Variants in NALF1 observed in about 807,000 individuals in gnomAD.
The protein encoded by NALF1 is NALCN channel auxiliary factor 1.
In NALF1, 3 loss-of-function variants were observed where a neutral mutation model predicts 48.4. The ratio of observed to expected loss-of-function variants is 0.06; its 90% CI spans 0.03 to 0.16. NALF1 has a LOEUF of 0.16. Ranked by LOEUF, NALF1 falls within the 10% of genes least tolerant of loss-of-function variation. The probability of loss-of-function intolerance (pLI) is 1.00; values close to 1 mark genes in which losing one functional copy is unlikely to be tolerated. For missense variants in NALF1, 526 were observed against 571.5 expected (o/e 0.92, Z 0.81); for synonymous variants, 262 against 245.7 (o/e 1.07, Z -0.62).
chr13:107,859,069 G>C (rs767347383), intron 1 of NALF1, among the ~76,000 whole-genome samples: 4 of 152,086 alleles, frequency 2.6e-5, no homozygotes, highest in Non-Finnish European at 4.4e-5. Context: ...TCTGAACTTC[G>C]AGTTCCCCAC....
intron 1 of NALF1, among the ~76,000 whole-genome samples, chr13:107,669,698 G>C (rs1432245731): frequency 6.6e-6 from 1 of 152,120 alleles, no homozygotes; most frequent in African/African-American, 2.4e-5. Flanking sequence ...GTTTTCTGTT[G>C]ATGTTCATGT....
intron 2 of NALF1, among the ~76,000 whole-genome samples, chr13:107,197,187 C>T (rs1188149800): frequency 1.3e-5 from 2 of 152,154 alleles, no homozygotes; most frequent in African/African-American, 4.8e-5. Flanking sequence ...TGTCGCTAAA[C>T]CTTGGACCTC....
intron 1 of NALF1, among the ~76,000 whole-genome samples, chr13:107,349,975 T>C (rs1882843114): frequency 6.6e-6 from 1 of 152,134 alleles, no homozygotes. Context: ...CCTCAGATCA[T>C]CAGGCATTAG....
intron 1 of NALF1, among the ~76,000 whole-genome samples, chr13:107,601,585 C>T (rs958335423): frequency 2.6e-5 from 4 of 152,156 alleles, no homozygotes; most frequent in African/African-American, 9.7e-5. Context: ...TACCTCCTGA[C>T]TATAATTTCT....
chr13:107,206,164 A>T (rs1444359216), intron 2 of NALF1, among the ~76,000 whole-genome samples: 3 of 152,160 alleles, frequency 2.0e-5, no homozygotes, highest in Non-Finnish European at 4.4e-5. Flanking sequence ...TTTCCAATTA[A>T]TTTTTAAAAC....
chr13:107,319,023 CA>C (rs1475473524), intron 1 of NALF1, among the ~76,000 whole-genome samples: 1 of 152,010 alleles, frequency 6.6e-6, no homozygotes, highest in African/African-American at 2.4e-5. Flanking sequence ...GGTTAAGCAG[CA>C]GAGTTCAAGG....
intron 2 of NALF1, among the ~76,000 whole-genome samples, chr13:107,192,799 G>A (rs1482039219): frequency 6.6e-6 from 1 of 152,136 alleles, no homozygotes; most frequent in South Asian, 2.1e-4. Context: ...TACTTCTGGT[G>A]AGAATCCATG....
intron 1 of NALF1, among the ~76,000 whole-genome samples, chr13:107,510,748 T>C (rs7330610): frequency 0.73 from 111,072 of 151,946 alleles, 41,100 homozygotes; most frequent in Middle Eastern, 0.83. Context: ...GTGACCATGA[T>C]GGACCACGAG....
chr13:107,185,301 G>A (rs1879147329), intron 2 of NALF1, among the ~76,000 whole-genome samples: 1 of 152,010 alleles, frequency 6.6e-6, no homozygotes, highest in Non-Finnish European at 1.5e-5. Flanking sequence ...AATGGTGCTG[G>A]GAAACGAATA....
At chr13:107,239,053 C>G (rs1338629222) in intron 1 of NALF1, among the ~76,000 whole-genome samples, 1 of 151,834 alleles carries the variant, frequency 6.6e-6, no homozygotes, top group African/African-American at 2.4e-5. Context: ...AAGGAGAAGA[C>G]AGGTGGAATA....
chr13:107,391,304 A>G (rs1035246024), intron 1 of NALF1, among the ~76,000 whole-genome samples: 2 of 152,114 alleles, frequency 1.3e-5, no homozygotes, highest in Non-Finnish European at 2.9e-5. Flanking sequence ...CCTACAAACC[A>G]TAAATTCTCA....
intron 1 of NALF1, among the ~76,000 whole-genome samples, chr13:107,548,394 C>T (rs907399824): frequency 2.0e-5 from 3 of 152,024 alleles, no homozygotes; most frequent in African/African-American, 7.3e-5. Context: ...TACACTGATT[C>T]CATGTCTTTG....
chr13:107,859,943 G>C (rs1157686046), intron 1 of NALF1, among the ~76,000 whole-genome samples: 1 of 147,488 alleles, frequency 6.8e-6, no homozygotes, highest in Non-Finnish European at 1.5e-5. Context: ...AAGAATCAGA[G>C]TAAATTAGAG....
intron 2 of NALF1, among the ~76,000 whole-genome samples, chr13:107,179,967 T>C (rs1472252998): frequency 6.9e-6 from 1 of 145,194 alleles, no homozygotes; most frequent in African/African-American, 2.6e-5. Context: ...TATGGCCTCA[T>C]TTTAACTTAA....
At chr13:107,511,064 C>T (rs1309936888) in intron 1 of NALF1, among the ~76,000 whole-genome samples, 15 of 152,184 alleles carry the variant, frequency 9.9e-5, no homozygotes, top group Admixed American at 9.8e-4. Flanking sequence ...CTAATACCTT[C>T]TTCCTGAGAT....
rs1245389759 is a variant in NALF1, at chr13:107,739,242, G to A, written c.915+126440C>T. Among the ~76,000 whole-genome samples, 5 of 151,766 alleles carry A rather than the reference G, an allele frequency of 3.3e-5. No homozygotes were observed. In the South Asian group the frequency reaches 6.2e-4, roughly 19 times the overall value. ...TTAAAACCTAGATGATGGTTGATAGGTGCAGCAAACCACCATGGCACATGT... is the reference window on the plus strand; with the variant it reads ...TTAAAACCTAGATGATGGTTGATAGATGCAGCAAACCACCATGGCACATGT... On this transcript the variant is annotated intron_variant, in intron 1 of 2. Coordinates refer to ENST00000375915, the MANE Select transcript of NALF1 (RefSeq NM_001080396.3).
chr13:107,499,736 CT>C (rs1330934666), intron 1 of NALF1, among the ~76,000 whole-genome samples: 7 of 151,998 alleles, frequency 4.6e-5, no homozygotes, highest in Non-Finnish European at 8.8e-5. Context: ...TGCTTTTTTT[CT>C]TGTTATTCTT....
At chr13:107,724,508 A>G in intron 1 of NALF1, among the ~76,000 whole-genome samples, 2 of 152,194 alleles carry the variant, frequency 1.3e-5, no homozygotes, top group East Asian at 3.8e-4. Context: ...ACTGAAATGA[A>G]AAACAATGTA....
intron 1 of NALF1, among the ~76,000 whole-genome samples, chr13:107,721,089 T>C (rs1276259188): frequency 6.7e-6 from 1 of 148,680 alleles, no homozygotes; most frequent in African/African-American, 2.5e-5. Context: ...AGTTTAAAAC[T>C]AGTTGTCATC....
Sources: gnomAD v4.1 joint callset for allele counts (sites outside exome capture counted in the v4.1 genomes callset) on GRCh38, gnomAD v4.1.1 for gene constraint, MANE v1.5 for transcripts, NCBI Gene and HGNC (gene_info 2026-07-23, HGNC 2026-07-21) for gene names.